Variants in PRKCE observed in about 807,000 individuals in gnomAD.
The protein encoded by PRKCE is protein kinase C epsilon.
PRKCE carries 16 observed loss-of-function variants against 85.4 expected under a neutral mutation model. The ratio of observed to expected loss-of-function variants is 0.19; its 90% CI spans 0.13 to 0.28. The LOEUF is 0.28. Among genes scored for constraint, PRKCE ranks in the 10% least tolerant of loss-of-function variants. PRKCE has a pLI of 1.00. For synonymous variants in PRKCE, 388 were observed against 371.5 expected, an observed-to-expected ratio of 1.04 and a Z score of -0.51; for missense variants, 573 against 975.2, an observed-to-expected ratio of 0.59 and a Z score of 5.49.
chr2:45,974,074 G>A (rs926176975), intron 2 of PRKCE, among the ~76,000 whole-genome samples: 3 of 152,164 alleles, frequency 2.0e-5, no homozygotes, highest in African/African-American at 4.8e-5. Context: ...TTCTGGATTG[G>A]ATTTTTGTAG....
At chr2:46,012,223 G>C (rs1230622865) in intron 10 of PRKCE, among the ~76,000 whole-genome samples, 1 of 152,064 alleles carries the variant, frequency 6.6e-6, no homozygotes, top group Non-Finnish European at 1.5e-5. Flanking sequence ...GGTACCCACG[G>C]ACAGAATCAA....
intron 14 of PRKCE, among the ~76,000 whole-genome samples, chr2:46,182,649 T>C (rs1680113316): frequency 6.6e-6 from 1 of 152,130 alleles, no homozygotes; most frequent in South Asian, 2.1e-4. Context: ...CTGGTGGTGC[T>C]AAAAGATGGT....
At position 46,038,623 on chromosome 2, in the gene PRKCE, A is replaced by G. The variant is rs116716534; in HGVS notation, c.1437+28106A>G. Among the ~76,000 whole-genome samples, 599 of 148,014 alleles carry G rather than the reference A, an allele frequency of 4.0e-3. 7 individuals are homozygous for G. Among genetic ancestry groups the G allele is most frequent in the African/African-American group, 0.014 (573 of 40,314 alleles). On this transcript the variant is annotated intron_variant, in intron 10 of 14. Coordinates refer to ENST00000306156, the MANE Select transcript of PRKCE (RefSeq NM_005400.3). ...TTTGGTGTAGTATTAAATATATACAATGATGGAATTAAGGCATAGTAACAA... is the reference window on the plus strand; with the variant it reads ...TTTGGTGTAGTATTAAATATATACAGTGATGGAATTAAGGCATAGTAACAA...
chr2:46,075,590 A>G (rs1668487412), intron 10 of PRKCE, among the ~76,000 whole-genome samples: 1 of 152,054 alleles, frequency 6.6e-6, no homozygotes, highest in Non-Finnish European at 1.5e-5. Flanking sequence ...CTACAAAAAA[A>G]TATGAAAAAT....
At chr2:45,661,510 TGTTTTGTTTTTTGTTTTTTG>T (rs1675643014) in intron 1 of PRKCE, among the ~76,000 whole-genome samples, 2 of 140,136 alleles carry the variant, frequency 1.4e-5, no homozygotes, top group African/African-American at 5.3e-5. Context: ...TTTTTTGTTT[TGTTTTGTTTTTTGTTTTTTG>T]TTTTTTTTTT....
At chr2:45,677,602 C>T (rs648599) in intron 1 of PRKCE, among the ~76,000 whole-genome samples, 30,125 of 152,032 alleles carry the variant, frequency 0.2, 3,577 homozygotes, top group Non-Finnish European at 0.27. Context: ...ATGATCCACC[C>T]GCCTCGGCCT....
Position 46,151,038 on chromosome 2 carries a change from C to T in PRKCE, c.1732-3C>T, listed in dbSNP as rs1676573621. On this transcript the variant is annotated splice_region_variant and splice_polypyrimidine_tract_variant and intron_variant, in intron 12 of 14. Transcript: ENST00000306156. ...TGCCTGACATTGCTGGTTTCCTGAA[C>T]AGATCCTGCAGGAGTTGGAGTATGG... 6.3e-6 allele frequency: 10 copies of T among 1,595,696 alleles called. No homozygotes were observed. The highest frequency in any genetic ancestry group is 8.5e-6 in the Non-Finnish European group (10 of 1,177,054).
intron 10 of PRKCE, among the ~76,000 whole-genome samples, chr2:46,013,484 C>A (rs1705859858): frequency 6.6e-6 from 1 of 152,090 alleles, no homozygotes; most frequent in Non-Finnish European, 1.5e-5. Context: ...TGCGATCAAG[C>A]CAGGCTTTGA....
Position 45,786,535 on chromosome 2 carries a change from C to T in PRKCE, c.349-56465C>T, listed in dbSNP as rs1001328159. Among the ~76,000 whole-genome samples, 6 of 152,210 alleles carry T rather than the reference C, an allele frequency of 3.9e-5. No individual in the cohort carries two copies. Among genetic ancestry groups the T allele is most frequent in the African/African-American group, 1.2e-4 (5 of 41,448 alleles). Reference sequence around the variant, plus strand: ...CACTACCTAATTCACTTCAACAAGACCTGAAGCAGACAGGCCCCACTAACA... The same window carrying T: ...CACTACCTAATTCACTTCAACAAGATCTGAAGCAGACAGGCCCCACTAACA... On this transcript the variant is annotated intron_variant, in intron 1 of 14. Coordinates refer to ENST00000306156, the MANE Select transcript of PRKCE (RefSeq NM_005400.3). This position sits in a 1 kb window ranked among gnomAD's most constrained non-coding sequence, Gnocchi z 5.3.
At chr2:46,117,492 G>T (rs1282181158) in intron 11 of PRKCE, among the ~76,000 whole-genome samples, 1 of 152,192 alleles carries the variant, frequency 6.6e-6, no homozygotes, top group Non-Finnish European at 1.5e-5. Flanking sequence ...ATGAGGTCCA[G>T]AAATCACATG....
intron 11 of PRKCE, among the ~76,000 whole-genome samples, chr2:46,109,915 A>G (rs183099779): frequency 1.3e-5 from 2 of 152,194 alleles, no homozygotes; most frequent in East Asian, 3.9e-4. Context: ...ATGAATGGGT[A>G]TTGGATTTTG....
chr2:46,040,843 C>T (rs986989971), intron 10 of PRKCE, among the ~76,000 whole-genome samples: 1 of 152,158 alleles, frequency 6.6e-6, no homozygotes, highest in Non-Finnish European at 1.5e-5. Context: ...TTCTAACTAA[C>T]CTTTGTACTC....
chr2:45,984,488 T>C, intron 5 of PRKCE, 63 bp from the exon 6 acceptor site: 1 of 1,570,616 alleles, frequency 6.4e-7, no homozygotes, highest in Admixed American at 1.7e-5. Flanking sequence ...GAGAGTTCCG[T>C]TGACAAGTCT....
intron 1 of PRKCE, among the ~76,000 whole-genome samples, chr2:45,725,586 A>G (rs1233587707): frequency 1.3e-5 from 2 of 152,336 alleles, no homozygotes; most frequent in Non-Finnish European, 2.9e-5. Context: ...TAATCCCAGC[A>G]CTTTGGGAGA....
chr2:46,142,323 G>A (rs538081672), intron 11 of PRKCE, among the ~76,000 whole-genome samples: 7 of 152,252 alleles, frequency 4.6e-5, no homozygotes, highest in South Asian at 2.1e-4. Flanking sequence ...TAATGGAACC[G>A]AAGACCCCCA....
chr2:45,803,247 T>C (rs1482386310), intron 1 of PRKCE, among the ~76,000 whole-genome samples: 1 of 152,234 alleles, frequency 6.6e-6, no homozygotes, highest in Non-Finnish European at 1.5e-5. Context: ...GTGTTTGAAT[T>C]GTACAGGATG....
chr2:46,020,155 G>C (rs975371287), intron 10 of PRKCE, among the ~76,000 whole-genome samples: 4 of 152,040 alleles, frequency 2.6e-5, no homozygotes, highest in Admixed American at 1.3e-4. Flanking sequence ...CGGCCAAGCT[G>C]TTGGTTTTCA....
intron 2 of PRKCE, among the ~76,000 whole-genome samples, chr2:45,945,755 G>T (rs1573978674): frequency 1.3e-5 from 2 of 152,362 alleles, no homozygotes; most frequent in African/African-American, 4.8e-5. Flanking sequence ...CTGGTGGGGG[G>T]CCAGATTAGA....
At chr2:45,741,875 C>T (rs1336688016) in intron 1 of PRKCE, among the ~76,000 whole-genome samples, 1 of 152,184 alleles carries the variant, frequency 6.6e-6, no homozygotes, top group African/African-American at 2.4e-5. Context: ...CCATGGGTTA[C>T]CCAGGGTCTC....
Sources: gnomAD v4.1 joint callset for allele counts (sites outside exome capture counted in the v4.1 genomes callset) on GRCh38, gnomAD v4.1.1 for gene constraint, Gnocchi (gnomAD v3.1) non-coding constraint, MANE v1.5 for transcripts, NCBI Gene and HGNC (gene_info 2026-07-23, HGNC 2026-07-21) for gene names.